The following ZNF385B variants were observed in gnomAD, a reference collection of about 807,000 sequenced individuals.
ZNF385B encodes zinc finger protein 385B.
In ZNF385B, 23 loss-of-function variants were observed where a neutral mutation model predicts 39.2. The ratio of observed to expected loss-of-function variants is 0.59; its 90% confidence interval spans 0.42 to 0.83. ZNF385B has a LOEUF of 0.83. Ranked by LOEUF, ZNF385B falls within the 40% of genes least tolerant of loss-of-function variation. The pLI is 0.00. For missense variants in ZNF385B, 552 were observed against 598.9 expected (o/e 0.92, Z 0.82); for synonymous variants, 205 against 222.6 (o/e 0.92, Z 0.70).
chr2:179,628,167 A>G (rs1690845074), intron 3 of ZNF385B, among the ~76,000 whole-genome samples: 1 of 152,192 alleles, frequency 6.6e-6, no homozygotes, highest in African/African-American at 2.4e-5. Context: ...CTATTATCGC[A>G]TGTTAAAATT....
chr2:179,854,467 A>T (rs1419951533), intron 1 of ZNF385B, among the ~76,000 whole-genome samples: 2 of 105,946 alleles, frequency 1.9e-5, no homozygotes, highest in African/African-American at 2.9e-5. Flanking sequence ...AGGCTGCCAT[A>T]AAAAAAAAAA....
chr2:179,666,666 A>T lies in ZNF385B; in HGVS notation c.298+102837T>A, dbSNP rs552793031. Among the ~76,000 whole-genome samples, 5 of 152,260 alleles carry T rather than the reference A, an allele frequency of 3.3e-5. No individual in the cohort carries two copies. In the East Asian group the frequency reaches 9.6e-4, roughly 29 times the overall value. ...CATCTTTTTTTTTTGTCAAATAATC[A>T]TAAGAATATTTATTCATTCTTTTAA... On this transcript the variant is annotated intron_variant, in intron 3 of 9. Coordinates refer to ENST00000410066, the MANE Select transcript of ZNF385B (RefSeq NM_152520.6).
intron 5 of ZNF385B, among the ~76,000 whole-genome samples, chr2:179,501,562 G>T (rs1413022892): frequency 6.6e-6 from 1 of 152,264 alleles, no homozygotes; most frequent in South Asian, 2.1e-4. Context: ...AGAGTAGAAG[G>T]ATGGTTACCA....
intron 1 of ZNF385B, among the ~76,000 whole-genome samples, chr2:179,834,879 A>C (rs1708165962): frequency 6.6e-6 from 1 of 152,208 alleles, no homozygotes; most frequent in South Asian, 2.1e-4. Context: ...AAGGATGCCT[A>C]ATACATTTAG....
Position 179,621,935 on chromosome 2 carries a change from A to G in ZNF385B, c.299-76966T>C, listed in dbSNP as rs7570936. ...TTTGACAACATGATGAGAGTTTAGC[A>G]TCTCTGAATCTTGCAAAAACTACAA... On this transcript the variant is annotated intron_variant, in intron 3 of 9. Transcript: ENST00000410066. 9.2e-3 allele frequency among the ~76,000 whole-genome samples: 1,396 copies of G among 152,290 alleles called. 20 individuals are homozygous for G. Among genetic ancestry groups the G allele is most frequent in the African/African-American group, 0.032 (1,343 of 41,558 alleles).
At chr2:179,602,900 AT>A (rs1688520183) in intron 3 of ZNF385B, among the ~76,000 whole-genome samples, 1 of 152,174 alleles carries the variant, frequency 6.6e-6, no homozygotes, top group Non-Finnish European at 1.5e-5. Context: ...GCTTTTTGGT[AT>A]TTATTTTTCA....
At chr2:179,566,899 TTTTTC>T (rs1414088014) in intron 3 of ZNF385B, among the ~76,000 whole-genome samples, 5 of 151,496 alleles carry the variant, frequency 3.3e-5, no homozygotes, top group Admixed American at 6.6e-5. Context: ...CTATATAATC[TTTTTC>T]TTTTCTTTTC....
At chr2:179,756,204 G>A (rs896343347) in intron 3 of ZNF385B, among the ~76,000 whole-genome samples, 3 of 152,110 alleles carry the variant, frequency 2.0e-5, no homozygotes, top group Non-Finnish European at 4.4e-5. Context: ...GCATTTGCTT[G>A]TCTGTAAAGG....
chr2:179,756,969 C>T (rs954285722), intron 3 of ZNF385B, among the ~76,000 whole-genome samples: 5 of 152,146 alleles, frequency 3.3e-5, no homozygotes, highest in East Asian at 3.9e-4. Flanking sequence ...AACTCATCAA[C>T]GTCATTCTCT....
chr2:179,751,458 A>G (rs1224423457), intron 3 of ZNF385B, among the ~76,000 whole-genome samples: 1 of 152,184 alleles, frequency 6.6e-6, no homozygotes, highest in Non-Finnish European at 1.5e-5. Flanking sequence ...CTGGGAAAAC[A>G]TATTTGAGGA....
intron 1 of ZNF385B, among the ~76,000 whole-genome samples, chr2:179,807,621 T>C (rs1043028882): frequency 4.8e-5 from 7 of 144,946 alleles, no homozygotes; most frequent in Middle Eastern, 4.4e-3. Flanking sequence ...AAAGGCCAGG[T>C]GCGGTGGCTC....
At chr2:179,788,720 G>C (rs1044133368) in intron 1 of ZNF385B, among the ~76,000 whole-genome samples, 1 of 152,132 alleles carries the variant, frequency 6.6e-6, no homozygotes, top group Non-Finnish European at 1.5e-5. Flanking sequence ...ATCAAAATCC[G>C]AGACTGTTCA....
intron 3 of ZNF385B, among the ~76,000 whole-genome samples, chr2:179,658,312 C>T (rs1301458704): frequency 6.6e-6 from 1 of 152,152 alleles, no homozygotes; most frequent in Non-Finnish European, 1.5e-5. Context: ...GGCACTGAAC[C>T]TTATGACCTA....
At chr2:179,794,343 T>C (rs1217056412) in intron 1 of ZNF385B, among the ~76,000 whole-genome samples, 1 of 152,096 alleles carries the variant, frequency 6.6e-6, no homozygotes, top group Non-Finnish European at 1.5e-5. Flanking sequence ...TCTAGTAGAG[T>C]GTATATATTG....
At chr2:179,814,318 AC>A in intron 1 of ZNF385B, 1 of 271,110 alleles carries the variant, frequency 3.7e-6, no homozygotes, top group Non-Finnish European at 7.4e-6. Flanking sequence ...CCAGGAGAGG[AC>A]TGCATGGCTG....
At chr2:179,701,118 T>C (rs1225087797) in intron 3 of ZNF385B, among the ~76,000 whole-genome samples, 1 of 152,342 alleles carries the variant, frequency 6.6e-6, no homozygotes, top group African/African-American at 2.4e-5. Context: ...CAAACCACTA[T>C]TAATTGTCTA....
At chr2:179,506,731 G>GT (rs1308988065) in intron 5 of ZNF385B, among the ~76,000 whole-genome samples, 2 of 151,940 alleles carry the variant, frequency 1.3e-5, no homozygotes, top group Non-Finnish European at 2.9e-5. Context: ...AAGTTTATGA[G>GT]TTTTTTTGTG....
intron 1 of ZNF385B, chr2:179,802,673 T>C (rs1311068130): frequency 6.6e-6 from 1 of 152,106 alleles, no homozygotes; most frequent in Non-Finnish European, 1.5e-5. Context: ...TGTCACCCTC[T>C]GATACTTTAG....
intron 3 of ZNF385B, among the ~76,000 whole-genome samples, chr2:179,676,885 CTG>C (rs1443732432): frequency 6.6e-6 from 1 of 152,204 alleles, no homozygotes; most frequent in South Asian, 2.1e-4. Context: ...GGTTGAAAAA[CTG>C]TGGAATAGAG....
Sources: allele counts gnomAD v4.1 joint callset (sites outside exome capture counted in the v4.1 genomes callset), GRCh38; gene constraint gnomAD v4.1.1; transcripts MANE v1.5; gene names NCBI Gene and HGNC (gene_info 2026-07-23, HGNC 2026-07-21).